BCAS3: variants seen among roughly 807,000 people sequenced by gnomAD.
BCAS3 encodes BCAS3 microtubule associated cell migration factor, also known as BCAS4/BCAS3 fusion.
A neutral mutation model predicts 116.1 loss-of-function variants in BCAS3; 53 were observed. The ratio of observed to expected loss-of-function variants is 0.46; its 90% CI spans 0.37 to 0.57. The LOEUF is 0.57. Ranked by LOEUF, BCAS3 falls within the 20% of genes least tolerant of loss-of-function variation. The pLI is 0.00. For missense variants in BCAS3, 917 were observed against 1,165.4 expected, an observed-to-expected ratio of 0.79 and a Z score of 3.10; for synonymous variants, 391 against 408.2, an observed-to-expected ratio of 0.96 and a Z score of 0.51.
intron 9 of BCAS3, among the ~76,000 whole-genome samples, chr17:60,876,955 G>C (rs909353660): frequency 3.6e-4 from 54 of 152,064 alleles, no homozygotes; most frequent in African/African-American, 1.3e-3. Flanking sequence ...CACTAAAGAT[G>C]AATACATTTA....
intron 6 of BCAS3, among the ~76,000 whole-genome samples, chr17:60,781,413 A>G (rs1386499017): frequency 6.6e-6 from 1 of 151,892 alleles, no homozygotes; most frequent in East Asian, 1.9e-4. Flanking sequence ...AGCCTGGCCA[A>G]CGTGGTGAAA....
chr17:61,392,183 G>A lies in BCAS3; in HGVS notation c.*58G>A. 6.4e-7 allele frequency: 1 copy of A among 1,572,118 alleles called. No individual in the cohort carries two copies. Among genetic ancestry groups the A allele is most frequent in the South Asian group, 1.2e-5 (1 of 86,906 alleles). ...CCTCCCCTGCTGGAGGAGGGGAGAAGCCCCGCTCTGGTCCTACCCTTCAGT... is the reference window on the plus strand; with the variant it reads ...CCTCCCCTGCTGGAGGAGGGGAGAAACCCCGCTCTGGTCCTACCCTTCAGT... On this transcript the variant is annotated 3_prime_UTR_variant, in exon 24 of 24. Transcript: ENST00000407086. The surrounding 1 kb of genome is among the most constrained non-coding windows in gnomAD (Gnocchi z 6.4).
At chr17:60,890,360 A>C (rs1266831387) in intron 10 of BCAS3, among the ~76,000 whole-genome samples, 1 of 152,158 alleles carries the variant, frequency 6.6e-6, no homozygotes, top group Admixed American at 6.5e-5. Context: ...AGGCTGAGGC[A>C]GGAGAATTGC....
intron 13 of BCAS3, among the ~76,000 whole-genome samples, chr17:60,936,533 T>G (rs2059936896): frequency 6.6e-6 from 1 of 152,310 alleles, no homozygotes; most frequent in Middle Eastern, 3.4e-3. Context: ...GTTTCCTGAC[T>G]TTTTAGTGAT....
In BCAS3 at chr17:61,034,790, G is replaced by C. The variant is rs2066890093; in HGVS notation, c.1762G>C (p.Asp588His). 2 of 1,589,456 alleles carry C rather than the reference G, an allele frequency of 1.3e-6. No homozygotes were observed. The highest frequency in any genetic ancestry group is 1.7e-6 in the Non-Finnish European group (2 of 1,172,032). Residue 588 changes from aspartate (D) to histidine (H), a missense_variant and splice_region_variant, in exon 17 of 24, where the codon GAT becomes CAT. This residue lies in a region of BCAS3 where 807 missense variants were observed against 1,026.0 expected (regional missense o/e 0.79). Coordinates refer to ENST00000407086, the MANE Select transcript of BCAS3 (RefSeq NM_017679.5). The surrounding 1 kb of genome is among the most constrained non-coding windows in gnomAD (Gnocchi z 5.0). Reference protein sequence around the residue: ...ANNAGLKREKDQSKQVVVESL... With the variant: ...ANNAGLKREKHQSKQVVVESL... ...TAATGCAGGTCTGAAAAGAGAAAAA[G>C]GTATGTATTTTTACTGAAAAATGAA...
rs912521712 is a variant in BCAS3, at chr17:61,261,811, G to A, written c.2426-106516G>A. Reference sequence around the variant, plus strand: ...ATGGTTATATCATTCCCTCCAGGGCGCATAGCAATAACGTGAATTTTTTTG... The same window carrying A: ...ATGGTTATATCATTCCCTCCAGGGCACATAGCAATAACGTGAATTTTTTTG... On this transcript the variant is annotated intron_variant, in intron 22 of 23. Coordinates refer to ENST00000407086, the MANE Select transcript of BCAS3 (RefSeq NM_017679.5). This position sits in a 1 kb window ranked among gnomAD's most constrained non-coding sequence, Gnocchi z 4.4. 1.3e-5 allele frequency among the ~76,000 whole-genome samples: 2 copies of A among 152,154 alleles called. No individual in the cohort carries two copies. Among genetic ancestry groups the A allele is most frequent in the African/African-American group, 2.4e-5 (1 of 41,426 alleles).
At position 61,017,230 on chromosome 17, in the gene BCAS3, T is replaced by C. The variant is rs1397632244; in HGVS notation, c.1637+1329T>C. Among the ~76,000 whole-genome samples, 1 of 152,210 alleles carries C rather than the reference T, an allele frequency of 6.6e-6. No homozygotes were observed. Among genetic ancestry groups the C allele is most frequent in the African/African-American group, 2.4e-5 (1 of 41,460 alleles). ...TGTGAATAATGAAGAGGTTATGTCC[T>C]TTATATTCACAATTAGGTTATTTTT... On this transcript the variant is annotated intron_variant, in intron 16 of 23. Coordinates refer to ENST00000407086, the MANE Select transcript of BCAS3 (RefSeq NM_017679.5). The surrounding 1 kb of genome is among the most constrained non-coding windows in gnomAD (Gnocchi z 4.7).
intron 22 of BCAS3, among the ~76,000 whole-genome samples, chr17:61,210,053 C>G (rs1321899754): frequency 1.3e-5 from 2 of 152,182 alleles, no homozygotes; most frequent in African/African-American, 2.4e-5. Flanking sequence ...CTTCAGCCCA[C>G]GCAGGGAAGT....
intron 6 of BCAS3, among the ~76,000 whole-genome samples, chr17:60,773,655 T>A (rs750995398): frequency 1.4e-4 from 22 of 152,196 alleles, no homozygotes; most frequent in South Asian, 2.1e-4. Context: ...AGTTTTTTTT[T>A]ATTTATTCTT....
intron 6 of BCAS3, chr17:60,748,861 T>C (rs949274041): frequency 1.3e-5 from 2 of 152,232 alleles, no homozygotes; most frequent in African/African-American, 4.8e-5. Flanking sequence ...TAATTTTATA[T>C]GGGTAAGTTT....
intron 13 of BCAS3, among the ~76,000 whole-genome samples, chr17:60,927,768 A>T (rs2059438803): frequency 6.6e-6 from 1 of 152,198 alleles, no homozygotes; most frequent in Non-Finnish European, 1.5e-5. Flanking sequence ...CTTGTGAGTG[A>T]TGAAAATAAT....
Position 60,787,361 on chromosome 17 carries a change from CT to C in BCAS3, c.404-20639del, listed in dbSNP as rs548125304. ...CTTTTGTTTCAGAGAGTTTTCCCTG[CT>C]TTTGATGTTGTTGCATACATCAATA... On this transcript the variant is annotated intron_variant, in intron 6 of 23. Transcript: ENST00000407086. 4.4e-4 allele frequency among the ~76,000 whole-genome samples: 67 copies of C among 152,230 alleles called. No homozygotes were observed. In the South Asian group the frequency reaches 0.014, roughly 32 times the overall value.
chr17:61,000,634 C>A (rs1005298961), intron 15 of BCAS3, among the ~76,000 whole-genome samples: 5 of 152,024 alleles, frequency 3.3e-5, no homozygotes, highest in Non-Finnish European at 7.4e-5. Context: ...AGAACTGATT[C>A]ATTTTTCGTA....
chr17:61,090,031 G>C (rs112356549), intron 22 of BCAS3, among the ~76,000 whole-genome samples: 1 of 152,090 alleles, frequency 6.6e-6, no homozygotes, highest in South Asian at 2.1e-4. Context: ...CTAGAACTGA[G>C]TGGAAAAAGC....
At chr17:61,342,754 T>TC (rs1168699702) in intron 22 of BCAS3, among the ~76,000 whole-genome samples, 1 of 150,242 alleles carries the variant, frequency 6.7e-6, no homozygotes, top group Non-Finnish European at 1.5e-5. Flanking sequence ...TTCTTTTCTT[T>TC]TTTTTTTTTT....
chr17:60,973,701 T>C (rs2062118331), intron 14 of BCAS3, among the ~76,000 whole-genome samples: 1 of 151,630 alleles, frequency 6.6e-6, no homozygotes, highest in Non-Finnish European at 1.5e-5. Flanking sequence ...CAAGCGATTC[T>C]CCTGCCTCAG....
rs541336974 is a variant in BCAS3 at position 61,044,598 on chromosome 17, T to C, written c.2029+3706T>C. On this transcript the variant is annotated intron_variant, in intron 19 of 23. Transcript: ENST00000407086. ...ATCAATGATGTTAAATGAGGACTTA[T>C]TGTATAATGCATTTCATTTTAGACC... 1.0e-3 allele frequency among the ~76,000 whole-genome samples: 156 copies of C among 151,816 alleles called. 1 individual carries two copies. Among genetic ancestry groups the C allele is most frequent in the African/African-American group, 3.5e-3 (146 of 41,350 alleles).
At chr17:60,881,703 G>T (rs1261366936) in intron 9 of BCAS3, among the ~76,000 whole-genome samples, 7 of 149,796 alleles carry the variant, frequency 4.7e-5, no homozygotes, top group Admixed American at 3.4e-4. Context: ...TGGTTTTTTG[G>T]TCTTGCGATA....
chr17:60,810,909 C>T, intron 7 of BCAS3: 1 of 697,058 alleles, frequency 1.4e-6, no homozygotes, highest in South Asian at 1.4e-5. Flanking sequence ...TCACCAAGAT[C>T]ATGGCAGACA....
Sources: gnomAD v4.1 joint callset for allele counts (sites outside exome capture counted in the v4.1 genomes callset) on GRCh38, gnomAD v4.1.1 for gene constraint, gnomAD v4.1.1 regional missense constraint, Gnocchi (gnomAD v3.1) non-coding constraint, MANE v1.5 for transcripts, NCBI Gene and HGNC (gene_info 2026-07-23, HGNC 2026-07-21) for gene names.